The following DCHS2 variants were observed in gnomAD, a reference collection of about 807,000 sequenced individuals.
The protein encoded by DCHS2 is protocadherin-23.
A neutral mutation model predicts 182.4 loss-of-function variants in DCHS2; 142 were observed. The ratio of observed to expected loss-of-function variants is 0.78; its 90% CI spans 0.68 to 0.89. The LOEUF is 0.89. Ranked by LOEUF, DCHS2 falls within the 40% of genes least tolerant of loss-of-function variation. DCHS2 has a pLI of 0.00. For synonymous variants in DCHS2, 1,740 were observed against 1,663.3 expected (o/e 1.05, Z -1.12); for missense variants, 4,319 against 4,198.6 (o/e 1.03, Z -0.79).
intron 1 of DCHS2, among the ~76,000 whole-genome samples, chr4:154,438,941 T>C (rs1396875550): frequency 2.6e-5 from 4 of 152,230 alleles, no homozygotes; most frequent in African/African-American, 9.6e-5. Context: ...TCAAGACAAT[T>C]TTCCATGCCC....
At position 154,245,446 on chromosome 4, in the gene DCHS2, G is replaced by A. The variant is rs765606937; in HGVS notation, c.6942-2674C>T. ...TTAAATAAGGCTTTTGACCAGGAAG[G>A]ATCTCTTTGATTGTCTTAACAAGTA... On this transcript the variant is annotated intron_variant, in intron 16 of 19. Transcript: ENST00000357232. 3.9e-5 allele frequency among the ~76,000 whole-genome samples: 6 copies of A among 152,162 alleles called. No homozygotes were observed. The South Asian group carries it at 1.0e-3, about 26-fold the overall frequency.
intron 1 of DCHS2, among the ~76,000 whole-genome samples, chr4:154,390,142 T>A (rs2110845128): frequency 6.6e-6 from 1 of 151,736 alleles, no homozygotes; most frequent in South Asian, 2.1e-4. Context: ...TACTTTAAGT[T>A]TTAGGGTACA....
intron 1 of DCHS2, among the ~76,000 whole-genome samples, chr4:154,462,828 G>A (rs192200724): frequency 1.3e-5 from 2 of 152,162 alleles, no homozygotes; most frequent in East Asian, 1.9e-4. Flanking sequence ...GACTATGAAC[G>A]AGAGATCCTA....
At chr4:154,270,283 A>G (rs1733526590) in intron 13 of DCHS2, among the ~76,000 whole-genome samples, 1 of 152,162 alleles carries the variant, frequency 6.6e-6, no homozygotes, top group South Asian at 2.1e-4. Context: ...ATAATCATAG[A>G]AAAGTTTCAA....
chr4:154,434,725 A>T (rs1733702082), intron 1 of DCHS2, among the ~76,000 whole-genome samples: 1 of 152,330 alleles, frequency 6.6e-6, no homozygotes, highest in East Asian at 1.9e-4. Flanking sequence ...GTGATAAGCC[A>T]TGTTGATAGC....
At chr4:154,351,222 T>C (rs902676460) in intron 3 of DCHS2, among the ~76,000 whole-genome samples, 2 of 152,192 alleles carry the variant, frequency 1.3e-5, no homozygotes, top group African/African-American at 4.8e-5. Flanking sequence ...ATAAAGTATG[T>C]ACCAAAAGAT....
chr4:154,389,960 T>C (rs1731611218), intron 1 of DCHS2, among the ~76,000 whole-genome samples: 2 of 152,148 alleles, frequency 1.3e-5, no homozygotes, highest in Admixed American at 6.5e-5. Context: ...TTAATTTATA[T>C]TTATGGCATA....
At chr4:154,248,948 A>C (rs1045138560) in intron 16 of DCHS2, among the ~76,000 whole-genome samples, 4 of 152,206 alleles carry the variant, frequency 2.6e-5, no homozygotes, top group Non-Finnish European at 4.4e-5. Context: ...AGATGAATTG[A>C]AGATTTAAAT....
intron 1 of DCHS2, among the ~76,000 whole-genome samples, chr4:154,487,347 C>T (rs976797864): frequency 2.6e-5 from 4 of 152,120 alleles, no homozygotes; most frequent in African/African-American, 4.8e-5. Flanking sequence ...GTGACATTGG[C>T]GGAAGTTGTG....
chr4:154,248,988 AG>A (rs916252339), intron 16 of DCHS2, among the ~76,000 whole-genome samples: 10 of 152,228 alleles, frequency 6.6e-5, no homozygotes, highest in African/African-American at 1.9e-4. Flanking sequence ...AAATCCTAGA[AG>A]AAAACCTAAG....
rs554479247 is a variant in DCHS2 at position 154,491,741 on chromosome 4, A to ATATGAAGC, written c.-394_-387dup. The ATATGAAGC allele has an allele frequency of 8.5e-5, 87 of 1,023,654 alleles. No individual in the cohort carries two copies. The African/African-American group carries it at 1.4e-3, about 17-fold the overall frequency. The allele number at this position is 1,023,654 out of a possible 1,614,324, so 63.4% of individuals were successfully genotyped here. A position where few individuals can be genotyped will look rare whatever the true frequency, so the allele number is the denominator to read the frequency against. The stretch of plus-strand genomic sequence containing the variant: ...TTCTTTTGCCAAAAAGGAGGAGATT[A>ATATGAAGC]TATGAAGCGCGCACACACAAGGAGA... On this transcript the variant is annotated 5_prime_UTR_variant, in exon 1 of 20. Transcript: ENST00000357232.
At chr4:154,362,809 A>G (rs1212737938) in intron 3 of DCHS2, among the ~76,000 whole-genome samples, 1 of 152,162 alleles carries the variant, frequency 6.6e-6, no homozygotes, top group East Asian at 1.9e-4. Flanking sequence ...CTTAATGAAT[A>G]GTAAATATAT....
intron 1 of DCHS2, among the ~76,000 whole-genome samples, chr4:154,380,935 G>A (rs2172032): frequency 1 from 151,594 of 152,170 alleles, 75,513 homozygotes; most frequent in East Asian, 1. Flanking sequence ...GGCAAATTGA[G>A]TAATAGAAAA....
At position 154,320,855 on chromosome 4, in the gene DCHS2, A is replaced by G; in HGVS notation, c.4544T>C (p.Ile1515Thr). Residue 1515 changes from isoleucine to threonine, a missense_variant, in exon 9 of 20, where the codon ATT (isoleucine) becomes ACT (threonine). Ile to Thr is a moderately conservative substitution (Grantham distance 89). Coordinates refer to ENST00000357232, the MANE Select transcript of DCHS2 (RefSeq NM_001358235.2). ...AACATTCTCCTCTACACTGATCACA[A>G]TGAGCTCATCCTGGAAAGATGGGGA... ...DHSPSFQDEL[I>T]VISVEENVPI... 1 of 1,614,106 alleles carries G rather than the reference A, an allele frequency of 6.2e-7. No individual in the cohort carries two copies. The highest frequency in any genetic ancestry group is 1.7e-5 in the Admixed American group (1 of 59,998).
chr4:154,428,978 T>TA (rs33985237), intron 1 of DCHS2, among the ~76,000 whole-genome samples: 124,585 of 148,852 alleles, frequency 0.84, 53,845 homozygotes, highest in Non-Finnish European at 0.95. Context: ...GGGGTAAGTT[T>TA]AAAAAAAAAA....
At chr4:154,325,176 T>C (rs1422963647) in intron 7 of DCHS2, among the ~76,000 whole-genome samples, 2 of 152,130 alleles carry the variant, frequency 1.3e-5, no homozygotes, top group Non-Finnish European at 2.9e-5. Context: ...GCTCCAAATC[T>C]CATTCCCCTC....
intron 1 of DCHS2, among the ~76,000 whole-genome samples, chr4:154,410,909 C>G (rs1446501576): frequency 6.6e-6 from 1 of 152,134 alleles, no homozygotes. Context: ...ATAGGAATCC[C>G]CACTAGACTA....
In DCHS2 at chr4:154,333,081, C is replaced by A; in HGVS notation, c.3127G>T (p.Ala1043Ser). 6.2e-7 allele frequency: 1 copy of A among 1,613,996 alleles called. No individual in the cohort carries two copies. The highest frequency in any genetic ancestry group is 8.5e-7 in the Non-Finnish European group (1 of 1,179,976). ...AGCGTGAGCTCCCGCTGCTCGCCCG[C>A]GCCCAGGCTGCCGTTGAGGAACAGC... The part of the protein sequence containing the change: ...GVLFLNGSLG[A>S]GEQRELTLTL... The change falls in exon 5 of 20, where the codon GCG (alanine) becomes TCG (serine). Residue 1043 changes from alanine (A) to serine (S), a missense_variant. Ala to Ser is a moderately conservative substitution (Grantham distance 99). Coordinates refer to ENST00000357232, the MANE Select transcript of DCHS2 (RefSeq NM_001358235.2).
chr4:154,453,894 T>C (rs1734647968), intron 1 of DCHS2, among the ~76,000 whole-genome samples: 1 of 152,212 alleles, frequency 6.6e-6, no homozygotes, highest in Non-Finnish European at 1.5e-5. Flanking sequence ...GGAAATACTG[T>C]TACTGTGATA....
Sources: gnomAD v4.1 joint callset for allele counts (sites outside exome capture counted in the v4.1 genomes callset) on GRCh38, gnomAD v4.1.1 for gene constraint, MANE v1.5 for transcripts, NCBI Gene and HGNC (gene_info 2026-07-23, HGNC 2026-07-21) for gene names.